The following CEP250 variants were observed in gnomAD, a reference collection of about 807,000 sequenced individuals.
CEP250 encodes centrosome-associated protein CEP250.
CEP250 carries 242 observed loss-of-function variants against 315.7 expected under a neutral mutation model. The observed-to-expected ratio is 0.77, with a 90% CI of 0.69 to 0.85. The LOEUF is 0.85. Ranked by LOEUF, CEP250 falls within the 40% of genes least tolerant of loss-of-function variation. The pLI, the probability that CEP250 is intolerant of heterozygous loss-of-function variation, is 0.00. For missense variants in CEP250, 2,515 were observed against 2,886.4 expected, an observed-to-expected ratio of 0.87 and a Z score of 2.95; for synonymous variants, 1,088 against 1,175.0, an observed-to-expected ratio of 0.93 and a Z score of 1.51.
At chr20:35,478,690 A>G (rs1018113589) in intron 17 of CEP250, among the ~76,000 whole-genome samples, 6 of 152,326 alleles carry the variant, frequency 3.9e-5, no homozygotes, top group African/African-American at 1.4e-4. Flanking sequence ...TCCTCATGCT[A>G]TAATTATCTG....
Position 35,511,888 on chromosome 20 carries a change from G to A in CEP250, c.*262G>A. On this transcript the variant is annotated 3_prime_UTR_variant, in exon 35 of 35. Coordinates refer to ENST00000397527, the MANE Select transcript of CEP250 (RefSeq NM_007186.6). ...TTGCCCTGGCTGAGGGACATGTACTGCCTCTCATCTAGAATTTATTTTCCT... is the reference window on the plus strand; with the variant it reads ...TTGCCCTGGCTGAGGGACATGTACTACCTCTCATCTAGAATTTATTTTCCT... The A allele has an allele frequency of 7.8e-7, 1 of 1,280,084 alleles. No individual in the cohort carries two copies. Among genetic ancestry groups the A allele is most frequent in the Non-Finnish European group, 9.9e-7 (1 of 1,014,412 alleles). 79.3% of individuals were successfully genotyped at this position (1,280,084 alleles called of 1,614,324 possible).
chr20:35,501,999 C>T, intron 29 of CEP250, 33 bp downstream of exon 29: 1 of 1,602,094 alleles, frequency 6.2e-7, no homozygotes, highest in Non-Finnish European at 8.5e-7. Context: ...GAGGGGTTTG[C>T]CTCAGGAGTA....
intron 18 of CEP250, 101 bp from the exon 19 acceptor site, chr20:35,479,545 C>T (rs1378358538): frequency 2.6e-6 from 4 of 1,549,830 alleles, no homozygotes; most frequent in African/African-American, 1.4e-5. Flanking sequence ...TAATTGCCCC[C>T]CTAACTTCTC....
chr20:35,477,777 T>C (rs2063214732), intron 16 of CEP250, 94 bp from the exon 17 acceptor site: 2 of 979,640 alleles, frequency 2.0e-6, no homozygotes, highest in Admixed American at 2.3e-5. Flanking sequence ...GGAGAATAGA[T>C]TCATATCTCA....
chr20:35,508,104 C>G lies in CEP250; in HGVS notation c.6820C>G (p.His2274Asp), dbSNP rs2064245030. ...GCAGTCATGGAGACAAAGGCTTGAA[C>G]ACCTGCAGCAAGCAGTGGCCCGGCT... ...EKQSWRQRLE[H>D]LQQAVARLEI... The change falls in exon 32 of 35, where the codon CAC (histidine) becomes GAC (aspartate). Residue 2274 changes from histidine to aspartate, a missense_variant. Physicochemically the swap from His to Asp is moderately conservative, Grantham distance 81. Transcript: ENST00000397527. The G allele has an allele frequency of 6.2e-7, 1 of 1,614,008 alleles. No individual in the cohort carries two copies. The highest frequency in any genetic ancestry group is 8.5e-7 in the Non-Finnish European group (1 of 1,180,006).
chr20:35,502,757 T>C lies in CEP250; in HGVS notation c.4388T>C (p.Leu1463Pro), dbSNP rs1384956115. The stretch of plus-strand genomic sequence containing the variant: ...AAGGCTGCTTTGGAATTGCTGTCTC[T>C]GGACCTGAAGAAGAGGAACCAAGAG... ...MQKAALELLS[L>P]DLKKRNQEVD... The change falls in exon 30 of 35, where the codon CTG becomes CCG. Residue 1463 changes from leucine (L) to proline (P), a missense_variant. Physicochemically the swap from Leu to Pro is moderately conservative, Grantham distance 98 (BLOSUM62 -3). Transcript: ENST00000397527. 1 of 1,614,244 alleles carries C rather than the reference T, an allele frequency of 6.2e-7. No homozygotes were observed. Among genetic ancestry groups the C allele is most frequent in the Non-Finnish European group, 8.5e-7 (1 of 1,180,040 alleles).
chr20:35,499,360 C>G (rs935426741), intron 27 of CEP250, among the ~76,000 whole-genome samples: 18 of 152,278 alleles, frequency 1.2e-4, no homozygotes, highest in African/African-American at 4.3e-4. Context: ...TCTTGGTACC[C>G]AGGCTTCCAA....
intron 18 of CEP250, 89 bp downstream of exon 18, chr20:35,479,513 T>G: frequency 6.5e-7 from 1 of 1,538,918 alleles, no homozygotes. Context: ...AGTATGCAGG[T>G]CCTAAATTGA....
chr20:35,485,805 C>T lies in CEP250; in HGVS notation c.2587-4832C>T, dbSNP rs1202205833. Among the ~76,000 whole-genome samples the T allele has an allele frequency of 2.0e-5, 3 of 148,758 alleles. No individual in the cohort carries two copies. In the Admixed American group the frequency reaches 2.0e-4, roughly 10 times the overall value. On this transcript the variant is annotated intron_variant, in intron 20 of 34. Transcript: ENST00000397527. ...GAGTAGCTGGGACCACAGGCATGAA[C>T]CACCATGCCTGGCTAAGTTTTTTTT...
chr20:35,485,047 G>A (rs1231511630), intron 20 of CEP250, among the ~76,000 whole-genome samples: 1 of 134,040 alleles, frequency 7.5e-6, no homozygotes, highest in African/African-American at 2.9e-5. Flanking sequence ...GGGCAACATA[G>A]CAAGACCCTA....
chr20:35,510,862 G>T (rs2064334561), intron 34 of CEP250, among the ~76,000 whole-genome samples: 1 of 152,214 alleles, frequency 6.6e-6, no homozygotes, highest in South Asian at 2.1e-4. Context: ...GGACGTGGTG[G>T]TGCACACCTG....
At chr20:35,485,569 C>T (rs2146965075) in intron 20 of CEP250, among the ~76,000 whole-genome samples, 1 of 149,658 alleles carries the variant, frequency 6.7e-6, no homozygotes, top group South Asian at 2.1e-4. Context: ...TAGCTCACTG[C>T]AGCCTCAAAC....
At chr20:35,467,172 G>GGGGGGGGGGA in intron 8 of CEP250, 100 bp downstream of exon 8, 1 of 995,132 alleles carries the variant, frequency 1.0e-6, no homozygotes, top group Non-Finnish European at 1.5e-6. Context: ...GGGGTGGGGT[G>GGGGGGGGGGA]GGTGGGGGAG....
At position 35,519,182 on chromosome 20, in the gene CEP250, G is replaced by A. The variant is rs1185581692; in HGVS notation, c.*7556G>A. The stretch of plus-strand genomic sequence containing the variant: ...AATGAGGTTATGATTGCACAACAAT[G>A]TGAACATACTTAATGCCACTGAACT... On this transcript the variant is annotated 3_prime_UTR_variant, in exon 35 of 35. Transcript: ENST00000397527. 1 of 152,160 alleles carries A rather than the reference G, an allele frequency of 6.6e-6. No individual in the cohort carries two copies. Among genetic ancestry groups the A allele is most frequent in the Non-Finnish European group, 1.5e-5 (1 of 68,034 alleles). The allele number at this position is 152,160 out of a possible 1,614,324, so 9.4% of individuals were successfully genotyped here. A position where few individuals can be genotyped will look rare whatever the true frequency, so the allele number is the denominator to read the frequency against.
Position 35,509,997 on chromosome 20 carries a change from G to C in CEP250, c.7009-1G>C, listed in dbSNP as rs1568849531. 6.2e-7 allele frequency: 1 copy of C among 1,614,108 alleles called. No homozygotes were observed. The highest frequency in any genetic ancestry group is 1.7e-5 in the Admixed American group (1 of 60,026). ...ACAAGAGTGCTGTTTGTCTTCCTTA[G>C]GATGGGAGAGGACAGAAGAACTCAG... On this transcript the variant is annotated splice_acceptor_variant, in intron 33 of 34. Transcript: ENST00000397527. LOFTEE classifies it high-confidence loss of function.
chr20:35,470,004 C>T lies in CEP250; in HGVS notation c.948+18C>T. Reference sequence around the variant, plus strand: ...AGATCCTGGTACATGATCCTTTGCTCTGGAAAGGAGTTGGGCGTGGGCTTG... The same window carrying T: ...AGATCCTGGTACATGATCCTTTGCTTTGGAAAGGAGTTGGGCGTGGGCTTG... On this transcript the variant is annotated intron_variant, in intron 10 of 34. Transcript: ENST00000397527. 1.3e-6 allele frequency: 2 copies of T among 1,557,574 alleles called. No homozygotes were observed. The highest frequency in any genetic ancestry group is 2.2e-5 in the South Asian group (2 of 89,944).
Position 35,516,947 on chromosome 20 carries a change from A to AC in CEP250, c.*5328dup, listed in dbSNP as rs763869746. On this transcript the variant is annotated 3_prime_UTR_variant, in exon 35 of 35. Coordinates refer to ENST00000397527, the MANE Select transcript of CEP250 (RefSeq NM_007186.6). ...CAGCCACAGGTGAGCATAAGCTCAAACCCCCCCATTGAAGGCTACATTCTT... is the reference window on the plus strand; with the variant it reads ...CAGCCACAGGTGAGCATAAGCTCAAACCCCCCCCATTGAAGGCTACATTCTT... The AC allele has an allele frequency of 5.5e-4, 546 of 984,066 alleles. 1 individual carries two copies. Among genetic ancestry groups the AC allele is most frequent in the Non-Finnish European group, 6.4e-4 (529 of 828,944 alleles). The allele number at this position is 984,066 out of a possible 1,614,324, so 61.0% of individuals were successfully genotyped here.
At chr20:35,463,432 T>G (rs1429361923) in intron 4 of CEP250, 143 bp from the exon 5 acceptor site, 4 of 526,672 alleles carry the variant, frequency 7.6e-6, no homozygotes, top group Non-Finnish European at 1.2e-5. Flanking sequence ...AAATAGAAAC[T>G]ATAAGATGTT....
At chr20:35,505,199 C>T (rs1214516686) in intron 30 of CEP250, among the ~76,000 whole-genome samples, 194 bp downstream of exon 30, 1 of 152,176 alleles carries the variant, frequency 6.6e-6, no homozygotes, top group Non-Finnish European at 1.5e-5. Context: ...CCCCACAGTC[C>T]CTGCCCTCAC....
Sources: gnomAD v4.1 joint callset for allele counts (sites outside exome capture counted in the v4.1 genomes callset) on GRCh38, gnomAD v4.1.1 for gene constraint, MANE v1.5 for transcripts, NCBI Gene and HGNC (gene_info 2026-07-23, HGNC 2026-07-21) for gene names.